The following FRY variants were observed in gnomAD, a reference collection of about 807,000 sequenced individuals.
FRY encodes protein furry homolog.
In FRY, 128 loss-of-function variants were observed where a neutral mutation model predicts 348.4. The observed-to-expected ratio is 0.37, with a 90% CI of 0.32 to 0.43. The LOEUF (loss-of-function observed/expected upper bound fraction) is 0.43. Ranked by LOEUF, FRY falls within the 20% of genes least tolerant of loss-of-function variation. FRY has a pLI of 1.00. For missense variants in FRY, 2,736 were observed against 3,695.2 expected, an observed-to-expected ratio of 0.74 and a Z score of 6.73; for synonymous variants, 1,370 against 1,374.7, an observed-to-expected ratio of 1.00 and a Z score of 0.08.
intron 2 of FRY, among the ~76,000 whole-genome samples, chr13:32,096,460 A>G (rs1360516111): frequency 6.6e-6 from 1 of 152,146 alleles, no homozygotes; most frequent in Non-Finnish European, 1.5e-5. Flanking sequence ...CATCTGGGAA[A>G]TGACATTTAA....
chr13:32,217,757 C>T (rs1885079945), intron 35 of FRY, among the ~76,000 whole-genome samples: 2 of 152,198 alleles, frequency 1.3e-5, no homozygotes, highest in South Asian at 4.1e-4. Flanking sequence ...ATAAATAATG[C>T]TTATCTCAAA....
In FRY at chr13:32,041,261, C is replaced by T. The variant is rs143133713; in HGVS notation, c.70+9396C>T. Among the ~76,000 whole-genome samples, 425 of 146,272 alleles carry T rather than the reference C, an allele frequency of 2.9e-3. 2 individuals carry two copies. Among genetic ancestry groups the T allele is most frequent in the African/African-American group, 9.9e-3 (399 of 40,208 alleles). The stretch of plus-strand genomic sequence containing the variant: ...TTAGCTATAGTATCACTTGTTCTAA[C>T]ACCCCTAAAATTAATCTTCTGCTTT... On this transcript the variant is annotated intron_variant, in intron 1 of 60. Transcript: ENST00000542859.
intron 10 of FRY, among the ~76,000 whole-genome samples, chr13:32,135,550 A>T (rs1202017671): frequency 1.3e-5 from 2 of 152,172 alleles, no homozygotes; most frequent in African/African-American, 4.8e-5. Context: ...GCCCTGGCAA[A>T]TTTCTATCTG....
At chr13:32,041,538 A>T (rs1872745615) in intron 1 of FRY, among the ~76,000 whole-genome samples, 2 of 152,144 alleles carry the variant, frequency 1.3e-5, no homozygotes, top group African/African-American at 4.8e-5. Context: ...AAGGGATTAC[A>T]GGCATGAGCC....
chr13:32,191,826 C>G (rs187940246), intron 28 of FRY, among the ~76,000 whole-genome samples: 31 of 152,252 alleles, frequency 2.0e-4, no homozygotes, highest in African/African-American at 7.5e-4. Context: ...CTAATCACCT[C>G]CTAAAGGCCC....
At chr13:32,286,747 C>CAAAAAA (rs6144991) in intron 58 of FRY, among the ~76,000 whole-genome samples, 1 of 77,492 alleles carries the variant, frequency 1.3e-5, no homozygotes, top group Non-Finnish European at 2.3e-5. Context: ...GACTCTGTCT[C>CAAAAAA]AAAAAAAAAA....
At chr13:32,063,244 G>A (rs1874050765) in intron 1 of FRY, among the ~76,000 whole-genome samples, 1 of 152,210 alleles carries the variant, frequency 6.6e-6, no homozygotes, top group South Asian at 2.1e-4. Flanking sequence ...GTCCCTTTAT[G>A]TTGGGTCCCT....
chr13:32,219,695 C>T (rs1030227336), intron 36 of FRY, among the ~76,000 whole-genome samples: 4 of 151,902 alleles, frequency 2.6e-5, no homozygotes, highest in African/African-American at 9.7e-5. Flanking sequence ...GGAGGCAGAG[C>T]TTGCAGTGAG....
chr13:32,218,836 G>GT lies in FRY; in HGVS notation c.4765+6dup. ...GATCCTACGATGAAGATAAAAGTAA[G>GT]TACCAACAGGCTGTGGGCTTTCAGA... On this transcript the variant is annotated splice_donor_region_variant and intron_variant, in intron 36 of 60. Transcript: ENST00000542859. The GT allele has an allele frequency of 6.5e-7, 1 of 1,536,858 alleles. No homozygotes were observed. The highest frequency in any genetic ancestry group is 9.0e-7 in the Non-Finnish European group (1 of 1,109,728).
chr13:32,237,853 C>T lies in FRY; in HGVS notation c.6285C>T (p.Ala2095=), dbSNP rs118030686. 5.3e-5 allele frequency: 85 copies of T among 1,614,170 alleles called. No individual in the cohort carries two copies. In the East Asian group the frequency reaches 1.4e-3, roughly 27 times the overall value. The stretch of plus-strand genomic sequence containing the variant: ...AACTCCAGGCACAGCTGAAGTGGGC[C>T]GACTTCTCCGGGCTGCAGCAGCTGC... ...LEKLQAQLKW[A]DFSGLQQLLL... is the part of the protein sequence containing the mutation. The change falls in exon 44 of 61, where the codon GCC becomes GCT. Residue 2095 remains alanine, a synonymous_variant. Coordinates refer to ENST00000542859, the MANE Select transcript of FRY (RefSeq NM_023037.3). The surrounding 1 kb of genome is among the most constrained non-coding windows in gnomAD (Gnocchi z 6.3).
chr13:32,237,412 A>G lies in FRY; in HGVS notation c.5844A>G (p.Lys1948=), dbSNP rs1593783492. The change falls in exon 44 of 61, where the codon AAA becomes AAG. Residue 1948 remains lysine (K), a synonymous_variant. Transcript: ENST00000542859. The surrounding 1 kb of genome is among the most constrained non-coding windows in gnomAD (Gnocchi z 6.3). ...SSSPDLSSSS[K]LTASRKSTGQ... Reference sequence around the variant, plus strand: ...CACCAGATTTAAGCTCCAGCAGTAAACTAACAGCAAGCAGAAAGAGCACAG... The same window carrying G: ...CACCAGATTTAAGCTCCAGCAGTAAGCTAACAGCAAGCAGAAAGAGCACAG... 1.9e-6 allele frequency: 3 copies of G among 1,614,008 alleles called. No individual in the cohort carries two copies. The South Asian group carries it at 3.3e-5, about 18-fold the overall frequency.
At position 32,295,438 on chromosome 13, in the gene FRY, G is replaced by A. The variant is rs975367807; in HGVS notation, c.9020G>A (p.Ser3007Asn). ...RVLTTFLPDS[S>N]VSGTSL ...CTCACTACTTTTCTTCCAGACTCCAGTGTTTCTGGCACTAGTCTCTGACAG... is the reference window on the plus strand; with the variant it reads ...CTCACTACTTTTCTTCCAGACTCCAATGTTTCTGGCACTAGTCTCTGACAG... Residue 3007 changes from serine to asparagine, a missense_variant, in exon 61 of 61, where the codon AGT becomes AAT. By Grantham distance (46) the Ser-to-Asn change is conservative. Around this residue, in one of 9 missense-constraint regions of FRY, gnomAD observed 157 missense variants for 215.2 expected, o/e 0.73. Coordinates refer to ENST00000542859, the MANE Select transcript of FRY (RefSeq NM_023037.3). 5 of 1,611,534 alleles carry A rather than the reference G, an allele frequency of 3.1e-6. No individual in the cohort carries two copies. Among genetic ancestry groups the A allele is most frequent in the Non-Finnish European group, 4.2e-6 (5 of 1,179,984 alleles).
rs1886078288 is a variant in FRY, at chr13:32,234,106, A to C, written c.5528-468A>C. Among the ~76,000 whole-genome samples the C allele has an allele frequency of 2.1e-5, 3 of 146,060 alleles. No homozygotes were observed. The Admixed American group carries it at 2.1e-4, about 10-fold the overall frequency. On this transcript the variant is annotated intron_variant, in intron 41 of 60. Transcript: ENST00000542859. ...TCATGACCAGCCTGGGCAACAAAGA[A>C]AGACCCTGTTTCCAAAAAAAAAAAA...
rs578193701 is a variant in FRY at position 32,042,950 on chromosome 13, G to A, written c.70+11085G>A. Among the ~76,000 whole-genome samples the A allele has an allele frequency of 7.2e-5, 11 of 152,316 alleles. 1 individual carries two copies. Among genetic ancestry groups the A allele is most frequent in the African/African-American group, 2.6e-4 (11 of 41,566 alleles). On this transcript the variant is annotated intron_variant, in intron 1 of 60. Coordinates refer to ENST00000542859, the MANE Select transcript of FRY (RefSeq NM_023037.3). Reference sequence around the variant, plus strand: ...GGAAGAATGATAGGCAACTAATAGTGCCATTAAGTAAAAACTACAATGGTA... The same window carrying A: ...GGAAGAATGATAGGCAACTAATAGTACCATTAAGTAAAAACTACAATGGTA...
At chr13:32,106,626 A>G (rs1877567978) in intron 3 of FRY, among the ~76,000 whole-genome samples, 1 of 152,200 alleles carries the variant, frequency 6.6e-6, no homozygotes, top group South Asian at 2.1e-4. Context: ...AAAAAACAAA[A>G]CTTTCCAACA....
At chr13:32,240,799 T>C (rs951009482) in intron 46 of FRY, among the ~76,000 whole-genome samples, 3 of 152,236 alleles carry the variant, frequency 2.0e-5, no homozygotes, top group African/African-American at 7.2e-5. Flanking sequence ...GAGGACAATC[T>C]ATCCTAGTTT....
intron 34 of FRY, 128 bp from the exon 35 acceptor site, chr13:32,212,164 G>A (rs1441944348): frequency 1.5e-6 from 1 of 674,854 alleles, no homozygotes; most frequent in Non-Finnish European, 2.7e-6. Context: ...AGATTGTGCA[G>A]AAGATGTAAA....
At chr13:32,261,011 G>GGT (rs1887610968) in intron 51 of FRY, among the ~76,000 whole-genome samples, 1 of 152,184 alleles carries the variant, frequency 6.6e-6, no homozygotes, top group African/African-American at 2.4e-5. Context: ...CAAAAGTTAA[G>GGT]GTGTTGCTGC....
At chr13:32,093,501 T>G (rs1215243369) in intron 2 of FRY, among the ~76,000 whole-genome samples, 1 of 152,202 alleles carries the variant, frequency 6.6e-6, no homozygotes, top group East Asian at 1.9e-4. Flanking sequence ...TGGCGTAACG[T>G]AATATATTCC....
Sources: allele counts gnomAD v4.1 joint callset (sites outside exome capture counted in the v4.1 genomes callset), GRCh38; gene constraint gnomAD v4.1.1; regional missense constraint gnomAD v4.1.1; non-coding constraint Gnocchi (gnomAD v3.1); transcripts MANE v1.5; gene names NCBI Gene and HGNC (gene_info 2026-07-23, HGNC 2026-07-21).